ZAR1: variants seen among roughly 807,000 people sequenced by gnomAD.
ZAR1 encodes the protein zygote arrest 1.
In ZAR1, 37 loss-of-function variants were observed where a neutral mutation model predicts 38.3. The ratio of observed to expected loss-of-function variants is 0.97; its 90% CI spans 0.74 to 1.27. The LOEUF is 1.27. Ranked by LOEUF, ZAR1 falls within the 50% of genes most tolerant of loss-of-function variation. ZAR1 has a pLI of 0.00. For missense variants in ZAR1, 651 were observed against 632.4 expected (o/e 1.03, Z -0.32); for synonymous variants, 336 against 292.0 (o/e 1.15, Z -1.53).
In ZAR1 at chr4:48,490,424, A is replaced by C; in HGVS notation, c.133A>C (p.Arg45=). 2 of 1,481,946 alleles carry C rather than the reference A, an allele frequency of 1.3e-6. No individual in the cohort carries two copies. Among genetic ancestry groups the C allele is most frequent in the Non-Finnish European group, 1.8e-6 (2 of 1,120,836 alleles). 91.8% of individuals were successfully genotyped at this position (1,481,946 alleles called of 1,614,324 possible). ...AAGGSWQQRG[R]GCLPASSPCS... ...GGGCGGCAGCTGGCAGCAGCGCGGC[A>C]GGGGCTGCCTTCCCGCCTCCTCCCC... The change falls in exon 1 of 4, where the codon AGG becomes CGG. Residue 45 remains arginine (R), a synonymous_variant. Transcript: ENST00000327939.
downstream of ZAR1, among the ~76,000 whole-genome samples, chr4:48,495,592 G>A (rs553785370): frequency 8.5e-5 from 13 of 152,284 alleles, no homozygotes; most frequent in Non-Finnish European, 1.9e-4. Context: ...GAGAAGAGGT[G>A]GCATCTCATG....
rs1044233478 is a variant in ZAR1 at position 48,490,882 on chromosome 4, C to T, written c.591C>T (p.Pro197=). The part of the protein sequence containing the change: ...LRRLTAFLEG[P]GPAAGEQRSG... ...GTCTCACCGCCTTCCTGGAGGGGCC[C>T]GGGCCCGCGGCGGGCGAGCAGAGGT... Residue 197 remains proline (P), a synonymous_variant, in exon 1 of 4, where the codon CCC becomes CCT. Transcript: ENST00000327939. 9 of 1,411,236 alleles carry T rather than the reference C, an allele frequency of 6.4e-6. No individual in the cohort carries two copies. In the African/African-American group the frequency reaches 7.5e-5, roughly 12 times the overall value. 87.4% of individuals were successfully genotyped at this position (1,411,236 alleles called of 1,614,324 possible).
At chr4:48,497,399 T>C (rs1351059196), downstream of ZAR1, 3 of 152,484 alleles carry the variant, frequency 2.0e-5, no homozygotes, top group African/African-American at 4.8e-5. Flanking sequence ...ATTAATAGAC[T>C]TAGTTACATA....
Position 48,491,155 on chromosome 4 carries a change from G to A in ZAR1, c.864G>A (p.Gly288=), listed in dbSNP as rs2148673859. ...LRSPGQPPSA[G]RARDGGDGRE... is the part of the protein sequence containing the mutation. Reference sequence around the variant, plus strand: ...GCCCGGGGCAACCTCCGTCGGCGGGGAGGGCCCGAGACGGCGGCGACGGAC... The same window carrying A: ...GCCCGGGGCAACCTCCGTCGGCGGGAAGGGCCCGAGACGGCGGCGACGGAC... The change falls in exon 1 of 4, where the codon GGG becomes GGA. Residue 288 remains glycine (G), a synonymous_variant. Transcript: ENST00000327939. The A allele has an allele frequency of 7.3e-6, 9 of 1,241,118 alleles. No homozygotes were observed. The highest frequency in any genetic ancestry group is 9.1e-6 in the Non-Finnish European group (9 of 994,246). 76.9% of individuals were successfully genotyped at this position (1,241,118 alleles called of 1,614,324 possible).
rs1718403095 is a variant in ZAR1, at chr4:48,490,689, A to AC, written c.402dup (p.Glu135ArgfsTer217). The stretch of plus-strand genomic sequence containing the variant: ...CGCACGCTGCAGCGCCGGGCCCGCG[A>AC]CCCCGAGTCCCCGGCCGGCCCCGGG... On this transcript the variant is annotated frameshift_variant, in exon 1 of 4. Coordinates refer to ENST00000327939, the MANE Select transcript of ZAR1 (RefSeq NM_175619.3). LOFTEE classifies it high-confidence loss of function. The AC allele has an allele frequency of 1.2e-5, 16 of 1,312,554 alleles. No homozygotes were observed. The highest frequency in any genetic ancestry group is 1.5e-5 in the Non-Finnish European group (16 of 1,035,606). 81.3% of individuals were successfully genotyped at this position (1,312,554 alleles called of 1,614,324 possible).
At position 48,492,959 on chromosome 4, in the gene ZAR1, A is replaced by C; in HGVS notation, c.1078A>C (p.Arg360=). 6.2e-7 allele frequency: 1 copy of C among 1,614,232 alleles called. No individual in the cohort carries two copies. The highest frequency in any genetic ancestry group is 8.5e-7 in the Non-Finnish European group (1 of 1,180,032). The change falls in exon 3 of 4, where the codon AGA becomes CGA. Residue 360 remains arginine, a synonymous_variant. Transcript: ENST00000327939. ...ACAGGTTTACTTCAAACAGTTTTGC[A>C]GAACTTGTCAGAAGTCTTATAACCC... ...TNKVYFKQFC[R]TCQKSYNPYR... is the part of the protein sequence containing the mutation.
In ZAR1 at chr4:48,491,274, G is replaced by C; in HGVS notation, c.963+20G>C. On this transcript the variant is annotated intron_variant, in intron 1 of 3. Transcript: ENST00000327939. ...TTCCAGGTAAAGCCTAGGGCGGTCA[G>C]GGCACAGGGGAGCCCGGGGGTGCGG... 8.1e-7 allele frequency: 1 copy of C among 1,231,144 alleles called. No individual in the cohort carries two copies. The highest frequency in any genetic ancestry group is 1.6e-5 in the African/African-American group (1 of 64,476). The allele number at this position is 1,231,144 out of a possible 1,614,324, so 76.3% of individuals were successfully genotyped here.
At position 48,490,706 on chromosome 4, in the gene ZAR1, G is replaced by T; in HGVS notation, c.415G>T (p.Gly139Cys). The T allele has an allele frequency of 7.5e-7, 1 of 1,327,612 alleles. No homozygotes were observed. Among genetic ancestry groups the T allele is most frequent in the Non-Finnish European group, 9.6e-7 (1 of 1,043,476 alleles). 82.2% of individuals were successfully genotyped at this position (1,327,612 alleles called of 1,614,324 possible). ...GGCCCGCGACCCCGAGTCCCCGGCC[G>T]GCCCCGGGGCCGAGGGCACCACGGG... ...RRARDPESPA[G>C]PGAEGTTGGG... Residue 139 changes from glycine to cysteine, a missense_variant, in exon 1 of 4, where the codon GGC becomes TGC. This residue lies in a region of ZAR1 where 522 missense variants were observed against 459.9 expected (regional missense o/e 1.14). Transcript: ENST00000327939.
chr4:48,497,331 G>T (rs1483696992), downstream of ZAR1: 1 of 152,138 alleles, frequency 6.6e-6, no homozygotes, highest in Non-Finnish European at 1.5e-5. Flanking sequence ...GTTGCAGAAG[G>T]CCATCCTAAT....
chr4:48,491,357 C>T (rs1718437477), intron 1 of ZAR1, 103 bp downstream of exon 1: 2 of 943,174 alleles, frequency 2.1e-6, no homozygotes, highest in Non-Finnish European at 2.8e-6. Flanking sequence ...TGCGGCGCTT[C>T]CCTAAGCGTG....
At chr4:48,492,901 C>T (rs1329192329) in intron 2 of ZAR1, 37 bp from the exon 3 acceptor site, 3 of 1,613,922 alleles carry the variant, frequency 1.9e-6, no homozygotes, top group Non-Finnish European at 2.5e-6. Flanking sequence ...CTGAAAGTGT[C>T]AAGGCGATTT....
downstream of ZAR1, among the ~76,000 whole-genome samples, chr4:48,494,967 C>CT (rs1023483807): frequency 2.0e-5 from 3 of 152,092 alleles, no homozygotes; most frequent in African/African-American, 7.2e-5. Flanking sequence ...CAGCTAGCTG[C>CT]TTTTAAGACA....
chr4:48,494,374 A>T lies in ZAR1; in HGVS notation c.*130A>T. Reference sequence around the variant, plus strand: ...GTATTCTGAAAAAGCCTTCAAATAAAGGTATTGCAACACGATTTATACATT... The same window carrying T: ...GTATTCTGAAAAAGCCTTCAAATAATGGTATTGCAACACGATTTATACATT... On this transcript the variant is annotated 3_prime_UTR_variant, in exon 4 of 4. Coordinates refer to ENST00000327939, the MANE Select transcript of ZAR1 (RefSeq NM_175619.3). The T allele has an allele frequency of 8.4e-7, 1 of 1,192,902 alleles. No individual in the cohort carries two copies. The allele number at this position is 1,192,902 out of a possible 1,614,324, so 73.9% of individuals were successfully genotyped here. A position where few individuals can be genotyped will look rare whatever the true frequency, so the allele number is the denominator to read the frequency against.
At position 48,494,161 on chromosome 4, in the gene ZAR1, C is replaced by G; in HGVS notation, c.1192C>G (p.Pro398Ala). 1 of 1,614,148 alleles carries G rather than the reference C, an allele frequency of 6.2e-7. No homozygotes were observed. The highest frequency in any genetic ancestry group is 1.1e-5 in the South Asian group (1 of 91,086). ...VKLRHVDPKR[P>A]HRQDLCGRCK... is the part of the protein sequence containing the mutation. ...ACTTCGCCACGTGGACCCTAAACGG[C>G]CCCACCGTCAAGATTTGTGCGGTAG... Residue 398 changes from proline to alanine, a missense_variant, in exon 4 of 4, where the codon CCC becomes GCC. Physicochemically the swap from Pro to Ala is conservative, Grantham distance 27. Around this residue, in one of 2 missense-constraint regions of ZAR1, gnomAD observed 129 missense variants for 172.5 expected, o/e 0.75. Transcript: ENST00000327939.
chr4:48,494,883 G>C (rs1216970070), downstream of ZAR1, among the ~76,000 whole-genome samples: 1 of 152,160 alleles, frequency 6.6e-6, no homozygotes, highest in Non-Finnish European at 1.5e-5. Context: ...AGGGAGGCTG[G>C]GAAAACTAAC....
At chr4:48,493,666 G>A (rs1245855810) in intron 3 of ZAR1, among the ~76,000 whole-genome samples, 1 of 152,140 alleles carries the variant, frequency 6.6e-6, no homozygotes, top group Non-Finnish European at 1.5e-5. Context: ...GACCCACGTT[G>A]GATATTTAAA....
Position 48,490,965 on chromosome 4 carries a change from A to G in ZAR1, c.674A>G (p.Glu225Gly). The change falls in exon 1 of 4, where the codon GAG (glutamate) becomes GGG (glycine). Residue 225 changes from glutamate to glycine, a missense_variant. Glu to Gly is a moderately conservative substitution (Grantham distance 98). Transcript: ENST00000327939. Reference protein sequence around the residue: ...PPPARLQGPEEGEVWTKKAPR... With the variant: ...PPPARLQGPEGGEVWTKKAPR... Reference sequence around the variant, plus strand: ...CCCGCGCGGCTTCAAGGCCCAGAGGAGGGGGAGGTGTGGACGAAGAAGGCG... The same window carrying G: ...CCCGCGCGGCTTCAAGGCCCAGAGGGGGGGGAGGTGTGGACGAAGAAGGCG... 1.5e-6 allele frequency: 2 copies of G among 1,352,462 alleles called. No homozygotes were observed. The highest frequency in any genetic ancestry group is 1.9e-6 in the Non-Finnish European group (2 of 1,058,724). 83.8% of individuals were successfully genotyped at this position (1,352,462 alleles called of 1,614,324 possible).
At chr4:48,496,923 C>A (rs1186683007), downstream of ZAR1, among the ~76,000 whole-genome samples, 1 of 152,176 alleles carries the variant, frequency 6.6e-6, no homozygotes, top group Admixed American at 6.5e-5. Flanking sequence ...TATTCACTCA[C>A]AGGCCTGGAT....
chr4:48,494,388 G>T lies in ZAR1; in HGVS notation c.*144G>T. ...CCTTCAAATAAAGGTATTGCAACACGATTTATACATTGCATAAAATCTGTC... is the reference window on the plus strand; with the variant it reads ...CCTTCAAATAAAGGTATTGCAACACTATTTATACATTGCATAAAATCTGTC... On this transcript the variant is annotated 3_prime_UTR_variant, in exon 4 of 4. Transcript: ENST00000327939. 5 of 1,015,860 alleles carry T rather than the reference G, an allele frequency of 4.9e-6. No individual in the cohort carries two copies. The South Asian group carries it at 7.4e-5, about 15-fold the overall frequency. The allele number at this position is 1,015,860 out of a possible 1,614,324, so 62.9% of individuals were successfully genotyped here.
Sources: allele counts gnomAD v4.1 joint callset (sites outside exome capture counted in the v4.1 genomes callset), GRCh38; gene constraint gnomAD v4.1.1; regional missense constraint gnomAD v4.1.1; transcripts MANE v1.5; gene names NCBI Gene and HGNC (gene_info 2026-07-23, HGNC 2026-07-21).